Variants in KDM6A observed in about 807,000 individuals in gnomAD.
KDM6A encodes the protein lysine demethylase 6A.
A neutral mutation model predicts 117.6 loss-of-function variants in KDM6A; 11 were observed. That is an observed-to-expected ratio of 0.09 (90% CI 0.06 to 0.15). The LOEUF is 0.15. KDM6A is among the 10% of genes least tolerant of loss of function. The pLI is 1.00. For synonymous variants in KDM6A, 384 were observed against 396.1 expected, an observed-to-expected ratio of 0.97 and a Z score of 0.36; for missense variants, 799 against 1,077.3, an observed-to-expected ratio of 0.74 and a Z score of 3.62.
intron 6 of KDM6A, among the ~76,000 whole-genome samples, chrX:45,033,086 G>A (rs1456317701): frequency 2.7e-5 from 3 of 111,872 alleles, no homozygotes; most frequent in Non-Finnish European, 5.6e-5. Flanking sequence ...GGCTCAGTTA[G>A]GAATGGTGGT....
At chrX:45,063,277 G>A (rs2044382301) in intron 16 of KDM6A, 145 bp from the exon 17 acceptor site, 2 of 531,265 alleles carry the variant, frequency 3.8e-6, no homozygotes, top group Non-Finnish European at 6.4e-6. Context: ...TCTCAACTTA[G>A]AGAAATTAAG....
chrX:45,085,907 T>C lies in KDM6A; in HGVS notation c.3632T>C (p.Ile1211Thr), dbSNP rs2045620061. ...NNNFCSVNIN[I>T]GPGDCEWFVV... ...AACTTCTGTTCAGTTAACATAAATA[T>C]TGGCCCAGGTGACTGTGAATGGTTT... Residue 1211 changes from isoleucine (I) to threonine (T), a missense_variant, in exon 25 of 30, where the codon ATT (isoleucine) becomes ACT (threonine). Ile to Thr is a moderately conservative substitution (Grantham distance 89). Coordinates refer to ENST00000611820, the MANE Select transcript of KDM6A (RefSeq NM_001291415.2). 2 of 1,205,805 alleles carry C rather than the reference T, an allele frequency of 1.7e-6. No individual in the cohort carries two copies. Among genetic ancestry groups the C allele is most frequent in the East Asian group, 3.0e-5 (1 of 33,807 alleles).
intron 2 of KDM6A, among the ~76,000 whole-genome samples, chrX:44,946,288 A>G (rs2037627793): frequency 9.0e-6 from 1 of 111,029 alleles, no homozygotes; most frequent in East Asian, 2.8e-4. Flanking sequence ...ATAGGGTTTC[A>G]CCATGTTGGC....
intron 19 of KDM6A, among the ~76,000 whole-genome samples, chrX:45,077,036 T>G (rs911940379): frequency 9.0e-6 from 1 of 110,765 alleles, no homozygotes; most frequent in Non-Finnish European, 1.9e-5. Flanking sequence ...TGTGATGATA[T>G]TAGAATCATG....
At position 44,874,005 on chromosome X, in the gene KDM6A, C is replaced by T. The variant is rs750459821; in HGVS notation, c.225+18C>T. 4 of 1,199,366 alleles carry T rather than the reference C, an allele frequency of 3.3e-6. No homozygotes were observed. In the East Asian group the frequency reaches 1.2e-4, roughly 36 times the overall value. ...TGGGCAAGGTAAGGCAGCTGCGAGT[C>T]GGAGCGCGGACACCGTCTCCCTGGC... On this transcript the variant is annotated intron_variant, in intron 2 of 29. Coordinates refer to ENST00000611820, the MANE Select transcript of KDM6A (RefSeq NM_001291415.2).
At chrX:44,973,859 A>AT (rs1422232779) in intron 3 of KDM6A, among the ~76,000 whole-genome samples, 2 of 110,163 alleles carry the variant, frequency 1.8e-5, no homozygotes, top group Admixed American at 9.7e-5. Flanking sequence ...ACCGAATTTA[A>AT]TTTTTTTTAG....
At chrX:45,101,123 G>C (rs948657317) in intron 27 of KDM6A, among the ~76,000 whole-genome samples, 1 of 111,365 alleles carries the variant, frequency 9.0e-6, no homozygotes, top group Non-Finnish European at 1.9e-5. Context: ...AAGTCTTAGA[G>C]TCTATGCTAT....
chrX:44,982,604 T>C (rs1299777757), intron 4 of KDM6A, among the ~76,000 whole-genome samples: 1 of 112,070 alleles, frequency 8.9e-6, no homozygotes, highest in Non-Finnish European at 1.9e-5. Context: ...ATGCTAATTA[T>C]AGATAATTCT....
chrX:44,995,310 A>G (rs1478281535), intron 4 of KDM6A, among the ~76,000 whole-genome samples: 2 of 110,329 alleles, frequency 1.8e-5, no homozygotes, highest in African/African-American at 6.6e-5. Flanking sequence ...TCAGCCATTC[A>G]TTTATAAAGA....
chrX:45,100,912 T>C (rs986276259), intron 27 of KDM6A, among the ~76,000 whole-genome samples: 5 of 109,247 alleles, frequency 4.6e-5, no homozygotes, highest in African/African-American at 1.7e-4. Context: ...CTCAAACTCC[T>C]GGGCTCAAGG....
intron 2 of KDM6A, among the ~76,000 whole-genome samples, chrX:44,922,198 C>T (rs1487343818): frequency 9.6e-6 from 1 of 104,420 alleles, no homozygotes; most frequent in East Asian, 3.0e-4. Context: ...TGTGCACCAC[C>T]ATGCCCGGCT....
At chrX:44,971,799 T>G (rs1186376121) in intron 3 of KDM6A, among the ~76,000 whole-genome samples, 4 of 111,192 alleles carry the variant, frequency 3.6e-5, no homozygotes, top group Non-Finnish European at 5.7e-5. Flanking sequence ...TAGGTAAAGT[T>G]TGTTTATGCT....
chrX:45,020,558 A>G, intron 5 of KDM6A, 52 bp from the exon 6 acceptor site: 56 of 995,341 alleles, frequency 5.6e-5, no homozygotes, highest in Non-Finnish European at 7.2e-5. Context: ...ACCAAGCAAG[A>G]ATTCATGCAC....
chrX:44,986,675 A>G (rs754306555), intron 4 of KDM6A, among the ~76,000 whole-genome samples: 3 of 111,985 alleles, frequency 2.7e-5, no homozygotes, highest in Non-Finnish European at 5.6e-5. Context: ...TGTACCCAGT[A>G]GTCATTCAGG....
intron 2 of KDM6A, among the ~76,000 whole-genome samples, chrX:44,907,411 G>A (rs2034756444): frequency 9.2e-6 from 1 of 108,457 alleles, no homozygotes; most frequent in Admixed American, 9.9e-5. Flanking sequence ...TCAAGTAGCT[G>A]GGATTACAGG....
At chrX:45,075,053 T>C (rs2148086788) in intron 18 of KDM6A, among the ~76,000 whole-genome samples, 1 of 111,872 alleles carries the variant, frequency 8.9e-6, no homozygotes, top group African/African-American at 3.2e-5. Context: ...TACTTCAATT[T>C]CTTCAAAATA....
At chrX:44,923,461 CGTT>C (rs761561872) in intron 2 of KDM6A, among the ~76,000 whole-genome samples, 3 of 99,975 alleles carry the variant, frequency 3.0e-5, no homozygotes, top group African/African-American at 1.1e-4. Context: ...TGCTGTATCT[CGTT>C]GTGGATTATT....
At chrX:44,940,466 G>C (rs763101039) in intron 2 of KDM6A, among the ~76,000 whole-genome samples, 1 of 111,796 alleles carries the variant, frequency 8.9e-6, no homozygotes, top group Non-Finnish European at 1.9e-5. Flanking sequence ...TCACAGTAGT[G>C]GTGGGTTGAA....
intron 2 of KDM6A, among the ~76,000 whole-genome samples, chrX:44,897,598 G>A (rs2034000440): frequency 1.8e-5 from 2 of 111,008 alleles, no homozygotes; most frequent in Admixed American, 9.6e-5. Flanking sequence ...AGACAGGGTC[G>A]TGATCAGTCA....
Sources: gnomAD v4.1 joint callset for allele counts (sites outside exome capture counted in the v4.1 genomes callset) on GRCh38, gnomAD v4.1.1 for gene constraint, MANE v1.5 for transcripts, NCBI Gene and HGNC (gene_info 2026-07-23, HGNC 2026-07-21) for gene names.